SCHIP1: variants seen among roughly 807,000 people sequenced by gnomAD.
SCHIP1 encodes schwannomin-interacting protein 1.
A neutral mutation model predicts 29.7 loss-of-function variants in SCHIP1; 8 were observed. That is an observed-to-expected ratio of 0.27 (90% CI 0.16 to 0.49). The LOEUF is 0.49. Ranked by LOEUF, SCHIP1 falls within the 20% of genes least tolerant of loss-of-function variation. The probability of loss-of-function intolerance (pLI) is 0.99; values close to 1 mark genes in which losing one functional copy is unlikely to be tolerated. For missense variants in SCHIP1, 193 were observed against 294.6 expected (o/e 0.66, Z 2.52); for synonymous variants, 76 against 94.9 (o/e 0.80, Z 1.16).
the SCHIP1 span, among the ~76,000 whole-genome samples, chr3:159,800,731 A>T: frequency 6.6e-6 from 1 of 152,018 alleles, no homozygotes; most frequent in African/African-American, 2.4e-5. Flanking sequence ...TCATTTTTAT[A>T]CAGGGCAGAG....
At chr3:159,535,008 G>A in the SCHIP1 span, among the ~76,000 whole-genome samples, 7 of 152,170 alleles carry the variant, frequency 4.6e-5, no homozygotes, top group African/African-American at 1.7e-4. Context: ...CAGAAGAAAA[G>A]GCAATTTCTG....
At chr3:159,589,801 G>A in the SCHIP1 span, among the ~76,000 whole-genome samples, 40 of 152,232 alleles carry the variant, frequency 2.6e-4, no homozygotes, top group African/African-American at 8.9e-4. Flanking sequence ...GCAATATTCT[G>A]TCTCATTAGA....
chr3:159,858,055 C>T (rs1713596061), intron 1 of SCHIP1, among the ~76,000 whole-genome samples: 1 of 152,202 alleles, frequency 6.6e-6, no homozygotes, highest in Non-Finnish European at 1.5e-5. Flanking sequence ...TAAGGCTTGG[C>T]TGTTTCATAA....
the SCHIP1 span, among the ~76,000 whole-genome samples, chr3:159,732,229 C>T: frequency 6.6e-6 from 1 of 152,216 alleles, no homozygotes; most frequent in East Asian, 1.9e-4. Context: ...AAGGCTGAAG[C>T]CTGGCAGGCA....
chr3:159,317,840 G>T, the SCHIP1 span, among the ~76,000 whole-genome samples: 1,198 of 152,162 alleles, frequency 7.9e-3, 6 homozygotes, highest in African/African-American at 0.028. Flanking sequence ...TGCAGGATAG[G>T]CAATCCCATA....
At chr3:159,348,107 AAACTT>A in the SCHIP1 span, among the ~76,000 whole-genome samples, 1 of 152,292 alleles carries the variant, frequency 6.6e-6, no homozygotes, top group Admixed American at 6.5e-5. Flanking sequence ...CAAGTTGTAA[AAACTT>A]AACAAATTTT....
At chr3:159,486,534 T>C in the SCHIP1 span, among the ~76,000 whole-genome samples, 6 of 152,354 alleles carry the variant, frequency 3.9e-5, no homozygotes, top group East Asian at 1.2e-3. Context: ...TGTTTTCTTC[T>C]AGGAGTTTTG....
the SCHIP1 span, among the ~76,000 whole-genome samples, chr3:159,755,993 G>A: frequency 0.28 from 42,553 of 152,158 alleles, 6,014 homozygotes; most frequent in Middle Eastern, 0.35. Flanking sequence ...CCTCCCTCCC[G>A]GCTGCTTTCA....
chr3:159,348,585 C>T, the SCHIP1 span, among the ~76,000 whole-genome samples: 1 of 152,052 alleles, frequency 6.6e-6, no homozygotes, highest in Non-Finnish European at 1.5e-5. Flanking sequence ...ATATGTATTC[C>T]ATTGCAAAAC....
chr3:159,578,065 T>G, the SCHIP1 span, among the ~76,000 whole-genome samples: 1 of 152,094 alleles, frequency 6.6e-6, no homozygotes, highest in South Asian at 2.1e-4. Flanking sequence ...GGACCCGGTT[T>G]TGGGGGGGTG....
chr3:159,776,178 T>C, the SCHIP1 span, among the ~76,000 whole-genome samples: 1 of 152,246 alleles, frequency 6.6e-6, no homozygotes, highest in Non-Finnish European at 1.5e-5. Context: ...TTCAGTCTCC[T>C]GTTTTTCTCT....
the SCHIP1 span, among the ~76,000 whole-genome samples, chr3:159,537,593 G>C: frequency 1.3e-5 from 2 of 152,010 alleles, no homozygotes; most frequent in Non-Finnish European, 2.9e-5. Context: ...CACCTTGCCT[G>C]AGAGATCGGT....
chr3:159,480,793 G>A, the SCHIP1 span, among the ~76,000 whole-genome samples: 1 of 152,290 alleles, frequency 6.6e-6, no homozygotes, highest in Non-Finnish European at 1.5e-5. Context: ...ACACCTGGGT[G>A]TCACGCACGT....
At chr3:159,891,959 C>T in intron 5 of SCHIP1, 138 bp from the exon 7 acceptor site, 1 of 927,372 alleles carries the variant, frequency 1.1e-6, no homozygotes, top group Non-Finnish European at 1.6e-6. Flanking sequence ...GTTTCTGCAA[C>T]ATACGATGTC....
At chr3:159,800,893 G>A in the SCHIP1 span, among the ~76,000 whole-genome samples, 1 of 151,700 alleles carries the variant, frequency 6.6e-6, no homozygotes, top group African/African-American at 2.4e-5. Context: ...AGCTGTTTGT[G>A]GCTGTACCAA....
At chr3:159,680,529 G>GTATATAATATATGTATATATATAATA in the SCHIP1 span, among the ~76,000 whole-genome samples, 32 of 109,010 alleles carry the variant, frequency 2.9e-4, no homozygotes, top group African/African-American at 4.5e-4. Context: ...ATATATATAT[G>GTATATAATATATGTATATATATAATA]TATATAATAT....
the SCHIP1 span, among the ~76,000 whole-genome samples, chr3:159,580,449 G>A: frequency 1.3e-5 from 2 of 152,212 alleles, no homozygotes; most frequent in Non-Finnish European, 2.9e-5. Flanking sequence ...GCCAGTGCAT[G>A]CGTGAGGCAT....
At chr3:159,685,549 T>A in the SCHIP1 span, among the ~76,000 whole-genome samples, 1 of 152,242 alleles carries the variant, frequency 6.6e-6, no homozygotes, top group Non-Finnish European at 1.5e-5. Flanking sequence ...TCTCATACTT[T>A]CTTCTTAAAT....
the SCHIP1 span, among the ~76,000 whole-genome samples, chr3:159,301,295 C>A: frequency 2.6e-5 from 4 of 152,296 alleles, no homozygotes; most frequent in Admixed American, 2.6e-4. Context: ...CCTGGTTAGT[C>A]TTGTTCCAGA....
Sources: allele counts gnomAD v4.1 joint callset (sites outside exome capture counted in the v4.1 genomes callset), GRCh38; gene constraint gnomAD v4.1.1; transcripts MANE v1.5; gene names NCBI Gene and HGNC (gene_info 2026-07-23, HGNC 2026-07-21).